OR1J2: variants seen among roughly 807,000 people sequenced by gnomAD.
The protein encoded by OR1J2 is olfactory receptor 1J2.
For missense variants in OR1J2, 304 were observed against 246.1 expected, an observed-to-expected ratio of 1.24 and a Z score of -1.57; for synonymous variants, 142 against 99.7, an observed-to-expected ratio of 1.42 and a Z score of -2.52.
At chr9:122,540,434 G>A in the OR1J2 span, among the ~76,000 whole-genome samples, 20 of 152,116 alleles carry the variant, frequency 1.3e-4, no homozygotes, top group South Asian at 6.2e-4. Context: ...GTAGATATGC[G>A]GCATTATTTC....
the OR1J2 span, among the ~76,000 whole-genome samples, chr9:122,543,359 C>T: frequency 1.3e-5 from 2 of 152,076 alleles, no homozygotes; most frequent in African/African-American, 2.4e-5. Flanking sequence ...TGTGCTACCA[C>T]GCCCAGCTAA....
the OR1J2 span, among the ~76,000 whole-genome samples, chr9:122,472,472 C>T: frequency 6.6e-6 from 1 of 152,198 alleles, no homozygotes; most frequent in South Asian, 2.1e-4. Context: ...CTTATACTTG[C>T]CGTGGCCAAA....
the OR1J2 span, among the ~76,000 whole-genome samples, chr9:122,473,372 C>A: frequency 7.4e-4 from 113 of 152,252 alleles, no homozygotes; most frequent in Non-Finnish European, 1.2e-3. Flanking sequence ...TAGAGACGTG[C>A]AATGGATCAT....
At chr9:122,557,977 T>A in the OR1J2 span, among the ~76,000 whole-genome samples, 60 of 152,150 alleles carry the variant, frequency 3.9e-4, 1 homozygote, top group East Asian at 0.011. Flanking sequence ...TCATTTAAGT[T>A]ATCATGTTTG....
At chr9:122,525,172 G>A in the OR1J2 span, among the ~76,000 whole-genome samples, 1 of 152,176 alleles carries the variant, frequency 6.6e-6, no homozygotes, top group Non-Finnish European at 1.5e-5. Flanking sequence ...GTTCTAGAGA[G>A]AAGAACAGAC....
the OR1J2 span, among the ~76,000 whole-genome samples, chr9:122,452,123 C>G: frequency 6.6e-6 from 1 of 152,162 alleles, no homozygotes; most frequent in Non-Finnish European, 1.5e-5. Flanking sequence ...TGTGATCCAC[C>G]TGCCTCAGCC....
the OR1J2 span, chr9:122,568,598 G>C: frequency 1.6e-6 from 1 of 635,834 alleles, no homozygotes; most frequent in Non-Finnish European, 2.7e-6. Flanking sequence ...TAGCTACTGT[G>C]CTAATTGTGG....
chr9:122,506,583 G>A (rs553320655), upstream of OR1J2, among the ~76,000 whole-genome samples: 26 of 152,274 alleles, frequency 1.7e-4, no homozygotes, highest in South Asian at 8.3e-4. Context: ...CCAAACATTG[G>A]ATCATAAATG....
At chr9:122,530,711 C>T in the OR1J2 span, among the ~76,000 whole-genome samples, 8 of 151,954 alleles carry the variant, frequency 5.3e-5, no homozygotes, top group South Asian at 1.2e-3. Flanking sequence ...AGAGAGTCAG[C>T]GAAGGGAGAT....
the OR1J2 span, among the ~76,000 whole-genome samples, chr9:122,467,122 G>A: frequency 1.3e-5 from 2 of 152,160 alleles, no homozygotes; most frequent in Non-Finnish European, 2.9e-5. Flanking sequence ...ACCACATCCG[G>A]CTGGGAGTGT....
At chr9:122,550,462 C>A in the OR1J2 span, among the ~76,000 whole-genome samples, 1 of 151,946 alleles carries the variant, frequency 6.6e-6, no homozygotes, top group African/African-American at 2.4e-5. Context: ...AACTACAGAC[C>A]AATATTTGTG....
the OR1J2 span, among the ~76,000 whole-genome samples, chr9:122,481,981 G>T: frequency 6.6e-6 from 1 of 152,010 alleles, no homozygotes; most frequent in South Asian, 2.1e-4. Flanking sequence ...GAGCTCAAAA[G>T]CACAGGTAAC....
the OR1J2 span, among the ~76,000 whole-genome samples, chr9:122,580,392 C>T: frequency 1.3e-5 from 2 of 152,144 alleles, no homozygotes; most frequent in African/African-American, 4.8e-5. Flanking sequence ...TGCCGAGTGC[C>T]AATGATCATT....
chr9:122,508,826 T>C (rs1287119726), upstream of OR1J2, among the ~76,000 whole-genome samples: 2 of 152,250 alleles, frequency 1.3e-5, no homozygotes, highest in African/African-American at 4.8e-5. Flanking sequence ...AATGTTATTA[T>C]ATCACAGTTC....
the OR1J2 span, among the ~76,000 whole-genome samples, chr9:122,574,009 CTT>C: frequency 6.6e-6 from 1 of 152,262 alleles, no homozygotes; most frequent in South Asian, 2.1e-4. Flanking sequence ...CGTTATATGT[CTT>C]TGCTGTTTGT....
At chr9:122,557,107 T>C in the OR1J2 span, among the ~76,000 whole-genome samples, 2 of 152,154 alleles carry the variant, frequency 1.3e-5, no homozygotes, top group African/African-American at 4.8e-5. Context: ...CTTGCTATAA[T>C]TCTTTTAGTT....
upstream of OR1J2, among the ~76,000 whole-genome samples, chr9:122,508,860 G>A (rs534817698): frequency 6.6e-5 from 10 of 152,302 alleles, no homozygotes; most frequent in Admixed American, 3.3e-4. Context: ...TCTAAAATGG[G>A]TATCAGTGGG....
chr9:122,489,366 T>C, the OR1J2 span, among the ~76,000 whole-genome samples: 1 of 151,906 alleles, frequency 6.6e-6, no homozygotes, highest in South Asian at 2.1e-4. Context: ...CAGAGTCAGA[T>C]ACAAAACTCA....
the OR1J2 span, chr9:122,526,775 A>G: frequency 6.2e-7 from 1 of 1,614,102 alleles, no homozygotes; most frequent in South Asian, 1.1e-5. Context: ...AGAAAAAGTG[A>G]GCAATTTCCC....
Sources: gnomAD v4.1 joint callset for allele counts (sites outside exome capture counted in the v4.1 genomes callset) on GRCh38, gnomAD v4.1.1 for gene constraint, MANE v1.5 for transcripts, NCBI Gene and HGNC (gene_info 2026-07-23, HGNC 2026-07-21) for gene names.